Variants in ANXA10 observed in about 807,000 individuals in gnomAD.
ANXA10 encodes the protein annexin 14.
ANXA10 carries 49 observed loss-of-function variants against 53.5 expected under a neutral mutation model. The observed-to-expected ratio is 0.92, with a 90% CI of 0.73 to 1.16. ANXA10 has a LOEUF of 1.16. Ranked by LOEUF, ANXA10 falls within the 50% of genes most tolerant of loss-of-function variation. The pLI is 0.00. For synonymous variants in ANXA10, 131 were observed against 128.9 expected (o/e 1.02, Z -0.11); for missense variants, 393 against 394.4 (o/e 1.00, Z 0.03).
intron 3 of ANXA10, among the ~76,000 whole-genome samples, chr4:168,141,228 C>T (rs1731320290): frequency 6.6e-6 from 1 of 152,178 alleles, no homozygotes; most frequent in Non-Finnish European, 1.5e-5. Flanking sequence ...CTAAATTGCA[C>T]TGCCTGGAAA....
At chr4:168,137,759 T>C (rs1298669605) in intron 2 of ANXA10, among the ~76,000 whole-genome samples, 3 of 152,132 alleles carry the variant, frequency 2.0e-5, no homozygotes, top group South Asian at 2.1e-4. Context: ...GATGCAAATA[T>C]CTTTTTTATA....
intron 3 of ANXA10, among the ~76,000 whole-genome samples, chr4:168,146,882 A>G (rs1731415120): frequency 1.3e-5 from 2 of 152,342 alleles, no homozygotes; most frequent in South Asian, 4.1e-4. Flanking sequence ...GTTCAGAGCT[A>G]TAATAGCCTT....
In ANXA10 at chr4:168,165,246, G is replaced by A; in HGVS notation, c.401-1G>A. The A allele has an allele frequency of 6.4e-7, 1 of 1,557,194 alleles. No homozygotes were observed. ...TACCTTTAACATGTTTTCTTATACA[G>A]AATACAGCAATAACCTCCAAGAGGA... On this transcript the variant is annotated splice_acceptor_variant, in intron 5 of 11. Transcript: ENST00000359299. LOFTEE classifies it high-confidence loss of function.
At chr4:168,160,414 G>A (rs1731761599) in intron 3 of ANXA10, among the ~76,000 whole-genome samples, 1 of 152,096 alleles carries the variant, frequency 6.6e-6, no homozygotes, top group South Asian at 2.1e-4. Context: ...TAGCTGCATA[G>A]TATTCCATGG....
At chr4:168,159,031 C>T (rs1057126138) in intron 3 of ANXA10, among the ~76,000 whole-genome samples, 1 of 152,146 alleles carries the variant, frequency 6.6e-6, no homozygotes, top group Non-Finnish European at 1.5e-5. Flanking sequence ...GATACTGGTG[C>T]CATGCTTCTT....
intron 9 of ANXA10, 111 bp from the exon 10 acceptor site, chr4:168,181,572 A>C (rs2149481751): frequency 1.1e-6 from 1 of 886,308 alleles, no homozygotes; most frequent in East Asian, 2.4e-5. Context: ...TGTTGACCTT[A>C]CAATACAATG....
intron 6 of ANXA10, among the ~76,000 whole-genome samples, chr4:168,171,969 T>C (rs781000758): frequency 2.6e-5 from 4 of 152,190 alleles, no homozygotes; most frequent in Non-Finnish European, 5.9e-5. Flanking sequence ...CAATGAGGCC[T>C]CTGGGAGTGT....
chr4:168,121,522 A>T (rs909156605), intron 1 of ANXA10, among the ~76,000 whole-genome samples: 4 of 152,166 alleles, frequency 2.6e-5, no homozygotes, highest in African/African-American at 9.7e-5. Context: ...AATGCACATA[A>T]TTTTTAAAGT....
chr4:168,136,984 T>C (rs1731248495), intron 2 of ANXA10, among the ~76,000 whole-genome samples: 1 of 152,192 alleles, frequency 6.6e-6, no homozygotes, highest in Non-Finnish European at 1.5e-5. Flanking sequence ...CTTAACACCA[T>C]GTGGAAGCCT....
At chr4:168,165,367 G>T in intron 6 of ANXA10, 41 bp downstream of exon 6, 2 of 983,140 alleles carry the variant, frequency 2.0e-6, no homozygotes, top group Middle Eastern at 3.2e-4. Flanking sequence ...CACTATCTAA[G>T]CAAATAAGTA....
At chr4:168,184,898 T>C (rs1578943336) in intron 11 of ANXA10, among the ~76,000 whole-genome samples, 1 of 152,202 alleles carries the variant, frequency 6.6e-6, no homozygotes, top group Non-Finnish European at 1.5e-5. Flanking sequence ...CTAATGCCTG[T>C]AATCCCAGCA....
rs1158522296 is a variant in ANXA10, at chr4:168,155,514, TATATA to T, written c.196-7011_196-7007del. Reference sequence around the variant, plus strand: ...TAATATATAATTATATATTATAAAATATATAATTATATAATATATAATTATATATT... The same window carrying T: ...TAATATATAATTATATATTATAAAATATTATATAATATATAATTATATATT... On this transcript the variant is annotated intron_variant, in intron 3 of 11. Coordinates refer to ENST00000359299, the MANE Select transcript of ANXA10 (RefSeq NM_007193.5). Among the ~76,000 whole-genome samples, 77 of 21,178 alleles carry T rather than the reference TATATA, an allele frequency of 3.6e-3. 1 individual carries two copies. The highest frequency in any genetic ancestry group is 0.022 in the African/African-American group (72 of 3,318). The allele number at this position is 21,178 out of a possible 152,430, so 13.9% of individuals were successfully genotyped here.
In ANXA10 at chr4:168,184,662, C is replaced by T. The variant is rs1732329561; in HGVS notation, c.887C>T (p.Ser296Phe). The change falls in exon 11 of 12, where the codon TCC becomes TTC. Residue 296 changes from serine to phenylalanine, a missense_variant. Coordinates refer to ENST00000359299, the MANE Select transcript of ANXA10 (RefSeq NM_007193.5). ...CGATACAAAGAGCGATATGGAAAAT[C>T]CCTATTTCATGATATCAGAGTAAGT... Reference protein sequence around the residue: ...RKRYKERYGKSLFHDIRNFAS... With the variant: ...RKRYKERYGKFLFHDIRNFAS... 1 of 1,613,830 alleles carries T rather than the reference C, an allele frequency of 6.2e-7. No homozygotes were observed. Among genetic ancestry groups the T allele is most frequent in the African/African-American group, 1.3e-5 (1 of 74,912 alleles).
At chr4:168,102,472 A>T (rs1049117394) in intron 1 of ANXA10, among the ~76,000 whole-genome samples, 1 of 152,116 alleles carries the variant, frequency 6.6e-6, no homozygotes. Flanking sequence ...CACCTTCTCC[A>T]GAATGTCATG....
rs189224821 is a variant in ANXA10, at chr4:168,179,326, T to C, written c.724+14T>C. On this transcript the variant is annotated intron_variant, in intron 9 of 11. Coordinates refer to ENST00000359299, the MANE Select transcript of ANXA10 (RefSeq NM_007193.5). ...TGGTTGCAATTGGTAAGTAATAAAT[T>C]ATTTGAAGCACAACAGACATTTTAT... 6.5e-6 allele frequency: 10 copies of C among 1,546,008 alleles called. No individual in the cohort carries two copies. In the Admixed American group the frequency reaches 1.5e-4, roughly 24 times the overall value.
intron 3 of ANXA10, among the ~76,000 whole-genome samples, chr4:168,150,526 C>T (rs112296657): frequency 3.3e-5 from 5 of 152,064 alleles, no homozygotes; most frequent in African/African-American, 7.2e-5. Flanking sequence ...GGTCTCCTGC[C>T]GAAAACTGGA....
chr4:168,162,416 G>A lies in ANXA10; in HGVS notation c.196-112G>A, dbSNP rs534895734. On this transcript the variant is annotated intron_variant, in intron 3 of 11. Transcript: ENST00000359299. Reference sequence around the variant, plus strand: ...ACATGTGAATCAGACTTGTTATGCTGTTATTATTAAATGACATGGAAAAGA... The same window carrying A: ...ACATGTGAATCAGACTTGTTATGCTATTATTATTAAATGACATGGAAAAGA... 33 of 752,044 alleles carry A rather than the reference G, an allele frequency of 4.4e-5. 2 individuals are homozygous for A. The South Asian group carries it at 5.3e-4, about 12-fold the overall frequency. The allele number at this position is 752,044 out of a possible 1,614,324, so 46.6% of individuals were successfully genotyped here. A position where few individuals can be genotyped will look rare whatever the true frequency, so the allele number is the denominator to read the frequency against.
chr4:168,126,664 G>A (rs1388120613), intron 1 of ANXA10, among the ~76,000 whole-genome samples: 1 of 152,062 alleles, frequency 6.6e-6, no homozygotes, highest in Non-Finnish European at 1.5e-5. Flanking sequence ...TTATGAGTCT[G>A]TCTGATATAT....
chr4:168,147,648 T>A (rs1731427138), intron 3 of ANXA10, among the ~76,000 whole-genome samples: 1 of 152,096 alleles, frequency 6.6e-6, no homozygotes, highest in African/African-American at 2.4e-5. Flanking sequence ...AATCATAAGG[T>A]TTTTTGACTT....
Sources: gnomAD v4.1 joint callset for allele counts (sites outside exome capture counted in the v4.1 genomes callset) on GRCh38, gnomAD v4.1.1 for gene constraint, MANE v1.5 for transcripts, NCBI Gene and HGNC (gene_info 2026-07-23, HGNC 2026-07-21) for gene names.